Variants in PCDH15 observed in about 807,000 individuals in gnomAD.
PCDH15 encodes the protein protocadherin-15.
PCDH15 carries 129 observed loss-of-function variants against 178.5 expected under a neutral mutation model. The observed-to-expected ratio is 0.72, with a 90% CI of 0.63 to 0.84. The LOEUF (loss-of-function observed/expected upper bound fraction) is 0.84. Among genes scored for constraint, PCDH15 ranks in the 40% least tolerant of loss-of-function variants. The pLI is 0.00. For synonymous variants in PCDH15, 800 were observed against 732.0 expected, an observed-to-expected ratio of 1.09 and a Z score of -1.50; for missense variants, 2,230 against 2,099.9, an observed-to-expected ratio of 1.06 and a Z score of -1.21.
intron 2 of PCDH15, among the ~76,000 whole-genome samples, chr10:54,542,142 G>T (rs1054169986): frequency 6.6e-6 from 1 of 152,178 alleles, no homozygotes; most frequent in South Asian, 2.1e-4. Context: ...TACAAGGTAC[G>T]GGATGTTGAA....
chr10:55,574,253 C>G, intron 2 of PCDH15, among the ~76,000 whole-genome samples: 1 of 151,936 alleles, frequency 6.6e-6, no homozygotes. Flanking sequence ...TACAATATGA[C>G]AATGAAATAG....
At position 54,426,421 on chromosome 10, in the gene PCDH15, T is replaced by C. The variant is rs558995099; in HGVS notation, c.158-47479A>G. On this transcript the variant is annotated intron_variant, in intron 3 of 37. Coordinates refer to ENST00000644397, the MANE Select transcript of PCDH15 (RefSeq NM_001384140.1). The stretch of plus-strand genomic sequence containing the variant: ...CAGTTCACAGTAGAGCTGGTGCTTC[T>C]ATGATAATCAAATGCTGCCAGTGAT... Among the ~76,000 whole-genome samples the C allele has an allele frequency of 4.6e-5, 7 of 152,268 alleles. No individual in the cohort carries two copies. In the South Asian group the frequency reaches 1.5e-3, roughly 32 times the overall value.
At position 54,311,842 on chromosome 10, in the gene PCDH15, G is replaced by T. The variant is rs187381089; in HGVS notation, c.876+5429C>A. ...TTCTAAACAAGTGACTTTAAATTTT[G>T]ATATAAAGCGATTTTTATTTTTATT... On this transcript the variant is annotated intron_variant, in intron 8 of 37. Transcript: ENST00000644397. Among the ~76,000 whole-genome samples the T allele has an allele frequency of 9.1e-3, 1,388 of 152,038 alleles. 31 individuals are homozygous for T. The highest frequency in any genetic ancestry group is 0.032 in the African/African-American group (1,315 of 41,488).
chr10:53,930,949 G>T (rs2085008433), intron 25 of PCDH15, among the ~76,000 whole-genome samples: 1 of 152,156 alleles, frequency 6.6e-6, no homozygotes, highest in African/African-American at 2.4e-5. Context: ...TTTGTAAAAG[G>T]AAGATAATTA....
intron 2 of PCDH15, among the ~76,000 whole-genome samples, chr10:55,351,242 C>G (rs961296036): frequency 6.6e-6 from 1 of 151,666 alleles, no homozygotes; most frequent in African/African-American, 2.4e-5. Flanking sequence ...TCATTCACTT[C>G]TCCTCCCTTT....
chr10:54,571,084 A>G (rs1235183381), intron 2 of PCDH15, among the ~76,000 whole-genome samples: 1 of 152,062 alleles, frequency 6.6e-6, no homozygotes, highest in Non-Finnish European at 1.5e-5. Flanking sequence ...TGAGAGCCCA[A>G]TGCCCTAAAA....
chr10:55,590,991 A>T (rs1317706730), intron 2 of PCDH15, among the ~76,000 whole-genome samples: 1 of 152,082 alleles, frequency 6.6e-6, no homozygotes, highest in Non-Finnish European at 1.5e-5. Flanking sequence ...ATATAATCTA[A>T]CCCAATTATC....
intron 1 of PCDH15, among the ~76,000 whole-genome samples, chr10:54,709,950 TATTAC>T (rs2095411601): frequency 6.7e-6 from 1 of 149,000 alleles, no homozygotes; most frequent in Non-Finnish European, 1.5e-5. Flanking sequence ...TGTATATATA[TATTAC>T]ATATTTATAT....
intron 2 of PCDH15, among the ~76,000 whole-genome samples, chr10:54,965,582 T>G (rs568377704): frequency 1.0e-4 from 15 of 145,738 alleles, no homozygotes; most frequent in Middle Eastern, 3.5e-3. Flanking sequence ...CTAATATGCA[T>G]AGTATGGTTT....
chr10:55,373,952 G>C (rs1017069254), intron 2 of PCDH15, among the ~76,000 whole-genome samples: 2 of 150,226 alleles, frequency 1.3e-5, no homozygotes, highest in Admixed American at 6.6e-5. Context: ...GGGGTGGGGG[G>C]CTGGGGGAGG....
chr10:54,093,468 T>A (rs2094636887), intron 15 of PCDH15, among the ~76,000 whole-genome samples: 1 of 152,172 alleles, frequency 6.6e-6, no homozygotes, highest in Admixed American at 6.5e-5. Context: ...GACAATATCA[T>A]CTTTCTTTGT....
At chr10:54,136,985 G>T (rs533522289) in intron 14 of PCDH15, among the ~76,000 whole-genome samples, 3 of 152,094 alleles carry the variant, frequency 2.0e-5, no homozygotes, top group Non-Finnish European at 2.9e-5. Flanking sequence ...TAACCACCAG[G>T]CTTCTTGAGG....
chr10:54,075,178 C>T (rs936787759), intron 17 of PCDH15, among the ~76,000 whole-genome samples: 1 of 151,860 alleles, frequency 6.6e-6, no homozygotes, highest in Non-Finnish European at 1.5e-5. Context: ...GAGATTGAGA[C>T]CATCCTGGCT....
chr10:55,424,764 T>C (rs1328505593), intron 2 of PCDH15, among the ~76,000 whole-genome samples: 2 of 152,050 alleles, frequency 1.3e-5, no homozygotes, highest in Admixed American at 6.6e-5. Flanking sequence ...TTTGCCAAAC[T>C]CTCACTCTGA....
At chr10:55,439,535 G>T (rs770844550) in intron 2 of PCDH15, among the ~76,000 whole-genome samples, 14 of 151,900 alleles carry the variant, frequency 9.2e-5, no homozygotes, top group Non-Finnish European at 1.9e-4. Flanking sequence ...TAAAAGTTGG[G>T]GGGGAGGGAT....
At chr10:54,533,484 A>C (rs923033362) in intron 2 of PCDH15, among the ~76,000 whole-genome samples, 1 of 152,186 alleles carries the variant, frequency 6.6e-6, no homozygotes, top group African/African-American at 2.4e-5. Context: ...AAGTAAAGTG[A>C]TGAAAAAAAA....
intron 3 of PCDH15, among the ~76,000 whole-genome samples, chr10:54,393,959 T>C (rs1412816165): frequency 1.3e-5 from 2 of 151,654 alleles, no homozygotes; most frequent in African/African-American, 2.4e-5. Context: ...GGCTGAAACA[T>C]GGCTTAATGC....
chr10:55,445,562 C>T (rs538536285), intron 2 of PCDH15, among the ~76,000 whole-genome samples: 1 of 152,228 alleles, frequency 6.6e-6, no homozygotes, highest in East Asian at 1.9e-4. Context: ...ATGCTACAAA[C>T]CATCTGAAAT....
At chr10:53,825,203 GTTAAT>G in intron 32 of PCDH15, 1 of 1,498,180 alleles carries the variant, frequency 6.7e-7, no homozygotes, top group Middle Eastern at 2.3e-4. Context: ...TTTTACTAGA[GTTAAT>G]TTAAAACAAT....
Sources: allele counts gnomAD v4.1 joint callset (sites outside exome capture counted in the v4.1 genomes callset), GRCh38; gene constraint gnomAD v4.1.1; transcripts MANE v1.5; gene names NCBI Gene and HGNC (gene_info 2026-07-23, HGNC 2026-07-21).